The following HCN2 variants were observed in gnomAD, a reference collection of about 807,000 sequenced individuals.
HCN2 encodes hyperpolarization activated cyclic nucleotide gated potassium and sodium channel 2.
A neutral mutation model predicts 52.3 loss-of-function variants in HCN2; 20 were observed. The observed-to-expected ratio is 0.38, with a 90% CI of 0.27 to 0.56. The LOEUF (loss-of-function observed/expected upper bound fraction) is 0.56, where lower values mean the gene tolerates loss of function less well. Among genes scored for constraint, HCN2 ranks in the 20% least tolerant of loss-of-function variants. The pLI, the probability that HCN2 is intolerant of heterozygous loss-of-function variation, is 0.71. For missense variants in HCN2, 981 were observed against 1,207.7 expected, an observed-to-expected ratio of 0.81 and a Z score of 2.78; for synonymous variants, 694 against 537.0, an observed-to-expected ratio of 1.29 and a Z score of -4.04.
chr19:610,470 G>C, intron 5 of HCN2, 65 bp downstream of exon 5: 1 of 1,462,244 alleles, frequency 6.8e-7, no homozygotes, highest in South Asian at 1.2e-5. Context: ...CTCTCCTGGA[G>C]CCCAGGAGCC....
rs1983995842 is a variant in HCN2, at chr19:617,053, A to C, written c.*579A>C. On this transcript the variant is annotated 3_prime_UTR_variant, in exon 8 of 8. Transcript: ENST00000251287. ...GGGAGGCTGGGGTCCCGCCGCCGTG[A>C]TGAATGTACTGACGAGCCGAGGCAG... 1.1e-5 allele frequency: 6 copies of C among 558,014 alleles called. No individual in the cohort carries two copies. The South Asian group carries it at 1.2e-4, about 11-fold the overall frequency. The allele number at this position is 558,014 out of a possible 1,614,324, so 34.6% of individuals were successfully genotyped here. A position where few individuals can be genotyped will look rare whatever the true frequency, so the allele number is the denominator to read the frequency against.
At chr19:599,847 CGTGTGTGTGT>C (rs34793549) in intron 1 of HCN2, among the ~76,000 whole-genome samples, 3,279 of 133,376 alleles carry the variant, frequency 0.025, 60 homozygotes, top group African/African-American at 0.043. Context: ...GAAGGGGTCC[CGTGTGTGTGT>C]GTGTGTGTGT....
rs972910565 is a variant in HCN2 at position 591,917 on chromosome 19, C to T, written c.632+1340C>T. On this transcript the variant is annotated intron_variant, in intron 1 of 7. Coordinates refer to ENST00000251287, the MANE Select transcript of HCN2 (RefSeq NM_001194.4). This position sits in a 1 kb window ranked among gnomAD's most constrained non-coding sequence, Gnocchi z 4.1. ...GAGGAAGGCCCTGGAATCCTCCTCCCACCCCAGGCCTTCCTGAGAGGTGAA... is the reference window on the plus strand; with the variant it reads ...GAGGAAGGCCCTGGAATCCTCCTCCTACCCCAGGCCTTCCTGAGAGGTGAA... Among the ~76,000 whole-genome samples, 1 of 152,168 alleles carries T rather than the reference C, an allele frequency of 6.6e-6. No homozygotes were observed. The highest frequency in any genetic ancestry group is 6.5e-5 in the Admixed American group (1 of 15,286).
rs894914501 is a variant in HCN2 at position 616,519 on chromosome 19, C to T, written c.*45C>T. 17 of 1,136,944 alleles carry T rather than the reference C, an allele frequency of 1.5e-5. No homozygotes were observed. The highest frequency in any genetic ancestry group is 1.5e-5 in the Non-Finnish European group (14 of 911,150). The allele number at this position is 1,136,944 out of a possible 1,614,324, so 70.4% of individuals were successfully genotyped here. On this transcript the variant is annotated 3_prime_UTR_variant, in exon 8 of 8. Transcript: ENST00000251287. ...GGGCCCAGGCGGGCCGGGGGCGGGG[C>T]CGTCATCCAGACCAAAGCCATGCCA...
intron 4 of HCN2, among the ~76,000 whole-genome samples, chr19:609,292 C>G (rs1195670076): frequency 1.3e-5 from 2 of 152,198 alleles, no homozygotes; most frequent in Non-Finnish European, 2.9e-5. Flanking sequence ...CTGGCACCCC[C>G]GCCCAGCACC....
At chr19:614,443 C>T (rs1449012248) in intron 7 of HCN2, among the ~76,000 whole-genome samples, 2 of 152,306 alleles carry the variant, frequency 1.3e-5, no homozygotes, top group South Asian at 2.1e-4. Flanking sequence ...TCACACACGA[C>T]TGGGCTGTGT....
rs1203114273 is a variant in HCN2, at chr19:616,525, T to C, written c.*51T>C. ...AGGCGGGCCGGGGGCGGGGCCGTCATCCAGACCAAAGCCATGCCATTGCGC... is the reference window on the plus strand; with the variant it reads ...AGGCGGGCCGGGGGCGGGGCCGTCACCCAGACCAAAGCCATGCCATTGCGC... On this transcript the variant is annotated 3_prime_UTR_variant, in exon 8 of 8. Transcript: ENST00000251287. The C allele has an allele frequency of 3.6e-6, 4 of 1,103,150 alleles. No individual in the cohort carries two copies. In the African/African-American group the frequency reaches 5.1e-5, roughly 14 times the overall value. 68.3% of individuals were successfully genotyped at this position (1,103,150 alleles called of 1,614,324 possible). A position where few individuals can be genotyped will look rare whatever the true frequency, so the allele number is the denominator to read the frequency against.
At chr19:610,459 C>T (rs1443105279) in intron 5 of HCN2, 54 bp downstream of exon 5, 3 of 1,545,100 alleles carry the variant, frequency 1.9e-6, no homozygotes, top group African/African-American at 1.4e-5. Context: ...GGCCGGCCTC[C>T]CTCTCCTGGA....
chr19:594,072 G>A (rs1042326838), intron 1 of HCN2, among the ~76,000 whole-genome samples: 4 of 151,044 alleles, frequency 2.6e-5, no homozygotes, highest in African/African-American at 9.8e-5. Context: ...GGCAGGGGCT[G>A]GAGGTCTCTG....
intron 4 of HCN2, among the ~76,000 whole-genome samples, chr19:608,754 G>C (rs890200918): frequency 2.0e-5 from 3 of 152,282 alleles, no homozygotes; most frequent in Non-Finnish European, 4.4e-5. Context: ...GGCTGGGTTA[G>C]GGAAGGGCCT....
rs1983370002 is a variant in HCN2, at chr19:604,939, C to CG, written c.1057-118dup. The CG allele has an allele frequency of 1.2e-5, 12 of 983,040 alleles. No homozygotes were observed. In the South Asian group the frequency reaches 1.3e-4, roughly 11 times the overall value. The allele number at this position is 983,040 out of a possible 1,614,324, so 60.9% of individuals were successfully genotyped here. ...TGCAGGGTGGGGCGGGGGTCCTGTG[C>CG]GGGGCCTTGGATTTGGGGGAGGGGG... On this transcript the variant is annotated intron_variant, in intron 2 of 7. Transcript: ENST00000251287.
At chr19:593,830 G>C (rs1013469960) in intron 1 of HCN2, among the ~76,000 whole-genome samples, 3 of 152,144 alleles carry the variant, frequency 2.0e-5, no homozygotes, top group Non-Finnish European at 2.9e-5. Context: ...AGGTGATCAC[G>C]GTTGGTGCCT....
chr19:610,941 C>T (rs558360638), intron 5 of HCN2, among the ~76,000 whole-genome samples: 3 of 152,306 alleles, frequency 2.0e-5, no homozygotes, highest in African/African-American at 7.2e-5. Flanking sequence ...GGGGAGGATC[C>T]TTCCTGCCTC....
At chr19:608,463 C>T (rs895924402) in intron 4 of HCN2, among the ~76,000 whole-genome samples, 20 of 151,362 alleles carry the variant, frequency 1.3e-4, no homozygotes, top group African/African-American at 4.4e-4. Flanking sequence ...GCAGAGACCG[C>T]GTGATGGGGA....
chr19:607,809 A>T (rs967909645), intron 3 of HCN2, among the ~76,000 whole-genome samples, 155 bp from the exon 4 acceptor site: 3 of 152,222 alleles, frequency 2.0e-5, no homozygotes, highest in South Asian at 2.1e-4. Context: ...AAACCATGTC[A>T]TCTACCTGGG....
chr19:612,352 C>G (rs1351817303), intron 5 of HCN2, among the ~76,000 whole-genome samples: 1 of 151,116 alleles, frequency 6.6e-6, no homozygotes, highest in Non-Finnish European at 1.5e-5. Context: ...GTTGATTTTT[C>G]AAAAATCACC....
chr19:617,151 T>G lies in HCN2; in HGVS notation c.*677T>G. The G allele has an allele frequency of 1.1e-6, 1 of 888,772 alleles. No homozygotes were observed. Among genetic ancestry groups the G allele is most frequent in the Admixed American group, 2.0e-5 (1 of 50,310 alleles). The allele number at this position is 888,772 out of a possible 1,614,324, so 55.1% of individuals were successfully genotyped here. On this transcript the variant is annotated 3_prime_UTR_variant, in exon 8 of 8. Coordinates refer to ENST00000251287, the MANE Select transcript of HCN2 (RefSeq NM_001194.4). ...CATTCCGCGCAATAAACGACAGCAT[T>G]GGCGCCAAGCCTGGCCGCGTGTGAT...
intron 1 of HCN2, among the ~76,000 whole-genome samples, chr19:600,403 T>C (rs1442912727): frequency 1.3e-5 from 2 of 151,900 alleles, no homozygotes; most frequent in Non-Finnish European, 2.9e-5. Flanking sequence ...TGCCATGGCG[T>C]GATCTCAGCT....
Position 615,941 on chromosome 19 carries a change from C to A in HCN2, c.2137C>A (p.Leu713Ile), listed in dbSNP as rs1387428236. 13 of 1,608,088 alleles carry A rather than the reference C, an allele frequency of 8.1e-6. No homozygotes were observed. The highest frequency in any genetic ancestry group is 1.0e-5 in the Non-Finnish European group (12 of 1,178,672). Residue 713 changes from leucine (L) to isoleucine (I), a missense_variant, in exon 8 of 8, where the codon CTC becomes ATC. Leu to Ile is a conservative substitution (Grantham distance 5). Around this residue, in one of 6 missense-constraint regions of HCN2, gnomAD observed 368 missense variants for 314.8 expected, o/e 1.17. Coordinates refer to ENST00000251287, the MANE Select transcript of HCN2 (RefSeq NM_001194.4). ...GGCCGAGCTGGGTCAGCGCGTGGGC[C>A]TCTTCCCGCCGCCGCCGCCGCCGCC... Reference protein sequence around the residue: ...QQAELGQRVGLFPPPPPPPQV... With the variant: ...QQAELGQRVGIFPPPPPPPQV...
Sources: gnomAD v4.1 joint callset for allele counts (sites outside exome capture counted in the v4.1 genomes callset) on GRCh38, gnomAD v4.1.1 for gene constraint, gnomAD v4.1.1 regional missense constraint, Gnocchi (gnomAD v3.1) non-coding constraint, MANE v1.5 for transcripts, NCBI Gene and HGNC (gene_info 2026-07-23, HGNC 2026-07-21) for gene names.